RAB11FIP4: variants seen among roughly 807,000 people sequenced by gnomAD.
The protein encoded by RAB11FIP4 is rab11 family-interacting protein 4.
RAB11FIP4 carries 23 observed loss-of-function variants against 74.3 expected under a neutral mutation model. The observed-to-expected ratio is 0.31, with a 90% CI of 0.22 to 0.44. The LOEUF is 0.44. RAB11FIP4 is among the 20% of genes least tolerant of loss of function. The probability of loss-of-function intolerance (pLI) is 1.00; values close to 1 mark genes in which losing one functional copy is unlikely to be tolerated. For missense variants in RAB11FIP4, 630 were observed against 863.9 expected (o/e 0.73, Z 3.39); for synonymous variants, 360 against 359.9 (o/e 1.00, Z 0.00).
At chr17:31,397,240 C>T (rs2070939798) in intron 1 of RAB11FIP4, among the ~76,000 whole-genome samples, 1 of 152,130 alleles carries the variant, frequency 6.6e-6, no homozygotes, top group South Asian at 2.1e-4. Context: ...TCCCTGTAGG[C>T]AGTGAGACCT....
At chr17:31,481,403 C>A (rs2071847809) in intron 3 of RAB11FIP4, among the ~76,000 whole-genome samples, 1 of 152,122 alleles carries the variant, frequency 6.6e-6, no homozygotes. Context: ...GTTGTCCACT[C>A]CTGAAAAAGG....
In RAB11FIP4 at chr17:31,521,228, T is replaced by C; in HGVS notation, c.626T>C (p.Leu209Pro). Residue 209 changes from leucine (L) to proline (P), a missense_variant, in exon 5 of 15, where the codon CTC (leucine) becomes CCC (proline). Coordinates refer to ENST00000621161, the MANE Select transcript of RAB11FIP4 (RefSeq NM_032932.6). ...SDLSTHSTTSLISNEEQFEDY... is the reference protein window; with the variant it reads ...SDLSTHSTTSPISNEEQFEDY... ...CTTTCTACACACTCCACCACCTCGC[T>C]CATCAGCAATGAGGAGCAGTTTGAA... 1 of 1,613,862 alleles carries C rather than the reference T, an allele frequency of 6.2e-7. No homozygotes were observed. The highest frequency in any genetic ancestry group is 2.2e-5 in the East Asian group (1 of 44,872).
At chr17:31,511,389 G>C (rs2072449570) in intron 3 of RAB11FIP4, among the ~76,000 whole-genome samples, 1 of 152,202 alleles carries the variant, frequency 6.6e-6, no homozygotes, top group African/African-American at 2.4e-5. Context: ...TTAAACAGCT[G>C]ATCCAGCATC....
chr17:31,459,989 T>TC (rs1415414593), intron 3 of RAB11FIP4, among the ~76,000 whole-genome samples: 1 of 152,152 alleles, frequency 6.6e-6, no homozygotes, highest in African/African-American at 2.4e-5. Context: ...TGCCTTGCGG[T>TC]CACTCCCGGC....
intron 3 of RAB11FIP4, among the ~76,000 whole-genome samples, chr17:31,486,878 G>A (rs993210259): frequency 2.6e-5 from 4 of 152,220 alleles, no homozygotes; most frequent in African/African-American, 4.8e-5. Flanking sequence ...GGTAAACATA[G>A]GGGCCGCTGC....
chr17:31,429,377 G>A (rs1471760191), intron 1 of RAB11FIP4, among the ~76,000 whole-genome samples: 1 of 152,124 alleles, frequency 6.6e-6, no homozygotes, highest in African/African-American at 2.4e-5. Flanking sequence ...AATAGACTTG[G>A]GTGTGCAACC....
intron 3 of RAB11FIP4, among the ~76,000 whole-genome samples, chr17:31,467,078 G>T (rs1322138451): frequency 6.6e-6 from 1 of 150,610 alleles, no homozygotes; most frequent in East Asian, 1.9e-4. Context: ...CATACCTCCT[G>T]CATCTAGCTC....
chr17:31,421,499 G>A (rs568644558), intron 1 of RAB11FIP4, among the ~76,000 whole-genome samples: 13 of 147,838 alleles, frequency 8.8e-5, no homozygotes, highest in Admixed American at 4.1e-4. Flanking sequence ...GATTACAAAC[G>A]TGAGCCACTG....
chr17:31,418,092 CAAA>C (rs1567648715), intron 1 of RAB11FIP4, among the ~76,000 whole-genome samples: 1 of 151,898 alleles, frequency 6.6e-6, no homozygotes. Flanking sequence ...CTGTCTATAA[CAAA>C]AATAAAAATA....
chr17:31,524,892 C>G (rs1316789616), intron 9 of RAB11FIP4, 198 bp from the exon 10 acceptor site: 2 of 668,918 alleles, frequency 3.0e-6, no homozygotes, highest in African/African-American at 3.6e-5. Flanking sequence ...CAGGCCTGCC[C>G]CTCCATGGCA....
intron 1 of RAB11FIP4, among the ~76,000 whole-genome samples, chr17:31,418,395 A>T (rs945493522): frequency 6.6e-6 from 1 of 152,202 alleles, no homozygotes; most frequent in African/African-American, 2.4e-5. Context: ...TCTCAAAAAA[A>T]TAAAATAAAA....
chr17:31,461,062 C>T (rs565901115), intron 3 of RAB11FIP4, among the ~76,000 whole-genome samples: 1 of 151,072 alleles, frequency 6.6e-6, no homozygotes, highest in South Asian at 2.1e-4. Flanking sequence ...ACATACACCA[C>T]CATGATGCCC....
rs1408752683 is a variant in RAB11FIP4, at chr17:31,512,356, A to G, written c.337-5295A>G. Among the ~76,000 whole-genome samples, 2 of 152,142 alleles carry G rather than the reference A, an allele frequency of 1.3e-5. No homozygotes were observed. The highest frequency in any genetic ancestry group is 3.9e-4 in the East Asian group (2 of 5,180). On this transcript the variant is annotated intron_variant, in intron 3 of 14. Transcript: ENST00000621161. The surrounding 1 kb of genome is among the most constrained non-coding windows in gnomAD (Gnocchi z 4.1). The stretch of plus-strand genomic sequence containing the variant: ...GCTCACAAAGGTGGTCACTTGTCCA[A>G]GGTCACATGGCTTGTAAGTGGCTGG...
In RAB11FIP4 at chr17:31,486,747, C is replaced by G. The variant is rs1433531931; in HGVS notation, c.337-30904C>G. On this transcript the variant is annotated intron_variant, in intron 3 of 14. Coordinates refer to ENST00000621161, the MANE Select transcript of RAB11FIP4 (RefSeq NM_032932.6). ...TGGAGTTTCTCTTGGGGCCACAGCT[C>G]TAGCTCCTCTCTTAGGTGGCTCTGG... Among the ~76,000 whole-genome samples, 6 of 152,340 alleles carry G rather than the reference C, an allele frequency of 3.9e-5. No individual in the cohort carries two copies. The East Asian group carries it at 1.2e-3, about 29-fold the overall frequency.
intron 3 of RAB11FIP4, among the ~76,000 whole-genome samples, chr17:31,491,970 G>A (rs1462574431): frequency 2.0e-5 from 3 of 152,120 alleles, no homozygotes; most frequent in Non-Finnish European, 4.4e-5. Context: ...GCCACCACAC[G>A]AATCAAACCA....
intron 4 of RAB11FIP4, chr17:31,518,507 T>A (rs575794575): frequency 6.5e-6 from 1 of 152,708 alleles, no homozygotes; most frequent in South Asian, 2.1e-4. Context: ...AGCCCAGGAC[T>A]TCTGGGCTCT....
chr17:31,454,285 TC>T (rs66630737), intron 3 of RAB11FIP4, among the ~76,000 whole-genome samples: 13,016 of 152,206 alleles, frequency 0.086, 656 homozygotes, highest in Middle Eastern at 0.12. Flanking sequence ...CTGATTCTTT[TC>T]TTTTTGAGAT....
intron 1 of RAB11FIP4, among the ~76,000 whole-genome samples, chr17:31,424,924 C>G (rs1048132758): frequency 2.0e-5 from 3 of 152,120 alleles, no homozygotes; most frequent in Non-Finnish European, 2.9e-5. Context: ...TTGTCAGTAC[C>G]AATGCCAGTT....
chr17:31,518,010 C>G (rs2072593126), intron 4 of RAB11FIP4, 133 bp downstream of exon 4: 2 of 680,820 alleles, frequency 2.9e-6, no homozygotes, highest in East Asian at 2.7e-5. Flanking sequence ...CATGGGTATT[C>G]TGAATAGCAC....
Sources: gnomAD v4.1 joint callset for allele counts (sites outside exome capture counted in the v4.1 genomes callset) on GRCh38, gnomAD v4.1.1 for gene constraint, Gnocchi (gnomAD v3.1) non-coding constraint, MANE v1.5 for transcripts, NCBI Gene and HGNC (gene_info 2026-07-23, HGNC 2026-07-21) for gene names.